Variants in PAX8 observed in about 807,000 individuals in gnomAD.
The protein encoded by PAX8 is paired box 8.
In PAX8, 15 loss-of-function variants were observed where a neutral mutation model predicts 52.4. The ratio of observed to expected loss-of-function variants is 0.29; its 90% CI spans 0.19 to 0.44. The LOEUF (loss-of-function observed/expected upper bound fraction) is 0.44, where lower values mean the gene tolerates loss of function less well. PAX8 is among the 20% of genes least tolerant of loss of function. PAX8 has a pLI of 1.00. For missense variants in PAX8, 554 were observed against 602.5 expected (o/e 0.92, Z 0.84); for synonymous variants, 284 against 249.7 (o/e 1.14, Z -1.29).
intron 10 of PAX8, chr2:113,225,819 G>A (rs1029505924): frequency 7.2e-6 from 5 of 690,254 alleles, no homozygotes; most frequent in Non-Finnish European, 8.9e-6. Context: ...GTTGGAAGGG[G>A]AATGGGGGGA....
intron 9 of PAX8, among the ~76,000 whole-genome samples, chr2:113,231,316 C>A (rs566918644): frequency 8.5e-5 from 13 of 152,342 alleles, no homozygotes; most frequent in Admixed American, 3.9e-4. Context: ...GGGACCAGGA[C>A]GGCCTCGACA....
intron 2 of PAX8, among the ~76,000 whole-genome samples, chr2:113,276,803 G>A (rs891112826): frequency 4.6e-5 from 7 of 151,912 alleles, no homozygotes; most frequent in Admixed American, 3.9e-4. Flanking sequence ...AAGGGTCAGG[G>A]GAAGGTTAGG....
At chr2:113,226,646 A>T (rs1354698896) in intron 10 of PAX8, 3 of 1,096,304 alleles carry the variant, frequency 2.7e-6, no homozygotes, top group Admixed American at 8.8e-5. Flanking sequence ...TGAAGCATAT[A>T]TTTCATCATC....
intron 2 of PAX8, among the ~76,000 whole-genome samples, chr2:113,258,599 C>T (rs1161197414): frequency 6.6e-6 from 1 of 152,228 alleles, no homozygotes; most frequent in Non-Finnish European, 1.5e-5. Context: ...ATCCCATCTT[C>T]CCCTCAAAGG....
chr2:113,227,364 A>G (rs772762706), intron 9 of PAX8, 108 bp from the exon 10 acceptor site: 2 of 923,104 alleles, frequency 2.2e-6, no homozygotes, highest in East Asian at 2.6e-5. Flanking sequence ...CCCTCTCTAC[A>G]GCCATTCTCC....
In PAX8 at chr2:113,227,208, G is replaced by A. The variant is rs750264515; in HGVS notation, c.1136C>T (p.Pro379Leu). 2 of 1,610,982 alleles carry A rather than the reference G, an allele frequency of 1.2e-6. No homozygotes were observed. The highest frequency in any genetic ancestry group is 1.7e-6 in the Non-Finnish European group (2 of 1,179,026). ...PTLPGYPPHI[P>L]TSGQGSYASS... ...GGCATAGCTGCCCTGTCCGCTGGTG[G>A]GGATGTGGGGTGGGTATCCGGGCAG... Residue 379 changes from proline (P) to leucine (L), a missense_variant, in exon 10 of 12, where the codon CCC becomes CTC. This residue lies in a region of PAX8 where 445 missense variants were observed against 409.9 expected (regional missense o/e 1.09). Transcript: ENST00000429538.
At chr2:113,266,726 T>C (rs1265507099) in intron 2 of PAX8, 1 of 152,218 alleles carries the variant, frequency 6.6e-6, no homozygotes, top group Non-Finnish European at 1.5e-5. Context: ...AATGTGTTGC[T>C]AAGTCCGATC....
chr2:113,218,054 G>C lies in PAX8; in HGVS notation c.*479C>G. The C allele has an allele frequency of 4.3e-6, 1 of 234,204 alleles. No individual in the cohort carries two copies. The highest frequency in any genetic ancestry group is 5.6e-5 in the Admixed American group (1 of 17,832). The allele number at this position is 234,204 out of a possible 1,614,324, so 14.5% of individuals were successfully genotyped here. A position where few individuals can be genotyped will look rare whatever the true frequency, so the allele number is the denominator to read the frequency against. ...AGGGAGGTGACTCCCTGGGTGGCTG[G>C]TGAGGAGAGCCTCGGCACCAGGCTG... On this transcript the variant is annotated 3_prime_UTR_variant, in exon 12 of 12. Coordinates refer to ENST00000429538, the MANE Select transcript of PAX8 (RefSeq NM_003466.4).
chr2:113,234,202 G>A (rs1690099354), intron 9 of PAX8, among the ~76,000 whole-genome samples: 1 of 152,226 alleles, frequency 6.6e-6, no homozygotes, highest in Non-Finnish European at 1.5e-5. Context: ...AGCCCTTGAG[G>A]TATCTGAAGA....
At chr2:113,274,419 A>G (rs543669419) in intron 2 of PAX8, 2 of 152,154 alleles carry the variant, frequency 1.3e-5, no homozygotes, top group Admixed American at 6.5e-5. Context: ...CAGGATTTCA[A>G]TTTTCTTATA....
In PAX8 at chr2:113,227,225, T is replaced by C; in HGVS notation, c.1119A>G (p.Gly373=). ...GREMVGPTLP[G]YPPHIPTSGQ... is the part of the protein sequence containing the mutation. ...CGCTGGTGGGGATGTGGGGTGGGTA[T>C]CCGGGCAGCGTGGGCCCCACCATCT... is the stretch of plus-strand genomic sequence containing the variant. The change falls in exon 10 of 12, where the codon GGA becomes GGG. Residue 373 remains glycine (G), a synonymous_variant. Coordinates refer to ENST00000429538, the MANE Select transcript of PAX8 (RefSeq NM_003466.4). The C allele has an allele frequency of 1.9e-6, 3 of 1,611,072 alleles. No homozygotes were observed. Among genetic ancestry groups the C allele is most frequent in the Non-Finnish European group, 2.5e-6 (3 of 1,178,988 alleles).
rs1440500504 is a variant in PAX8, at chr2:113,255,536, T to C, written c.26-8617A>G. 3 of 152,424 alleles carry C rather than the reference T, an allele frequency of 2.0e-5. 1 individual carries two copies. Among genetic ancestry groups the C allele is most frequent in the Admixed American group, 1.3e-4 (2 of 15,286 alleles). 9.4% of individuals were successfully genotyped at this position (152,424 alleles called of 1,614,324 possible). A position where few individuals can be genotyped will look rare whatever the true frequency, so the allele number is the denominator to read the frequency against. On this transcript the variant is annotated intron_variant, in intron 2 of 11. Transcript: ENST00000429538. ...TGGCTCACATATCAGATCTTCAACG[T>C]CAACATTAAATGCGTGAGTGCTTGC... is the stretch of plus-strand genomic sequence containing the variant.
At chr2:113,244,183 G>A (rs771880735) in intron 4 of PAX8, among the ~76,000 whole-genome samples, 1 of 152,204 alleles carries the variant, frequency 6.6e-6, no homozygotes, top group African/African-American at 2.4e-5. Flanking sequence ...GTTTGAGGAA[G>A]GAAACTGTAG....
In PAX8 at chr2:113,275,229, G is replaced by A. The variant is rs189479916; in HGVS notation, c.25+3141C>T. 1.4e-4 allele frequency: 22 copies of A among 152,226 alleles called. No individual in the cohort carries two copies. The East Asian group carries it at 4.1e-3, about 28-fold the overall frequency. 9.4% of individuals were successfully genotyped at this position (152,226 alleles called of 1,614,324 possible). A position where few individuals can be genotyped will look rare whatever the true frequency, so the allele number is the denominator to read the frequency against. On this transcript the variant is annotated intron_variant, in intron 2 of 11. Coordinates refer to ENST00000429538, the MANE Select transcript of PAX8 (RefSeq NM_003466.4). ...TCAGTGGGGCAATTAAAGTGACAAA[G>A]CTTAAAAAGATACTTATCTTAAAAC... is the stretch of plus-strand genomic sequence containing the variant.
At chr2:113,241,524 T>C in intron 7 of PAX8, 27 bp downstream of exon 7, 4 of 1,582,768 alleles carry the variant, frequency 2.5e-6, no homozygotes, top group Non-Finnish European at 3.4e-6. Context: ...GCCCACCCTG[T>C]TCACCTCCCA....
At chr2:113,277,947 AC>A (rs1638959202) in intron 2 of PAX8, among the ~76,000 whole-genome samples, 1 of 151,426 alleles carries the variant, frequency 6.6e-6, no homozygotes, top group South Asian at 2.2e-4. Context: ...CAGGGGAGTC[AC>A]TGGGAAGGAC....
intron 9 of PAX8, 38 bp from the exon 10 acceptor site, chr2:113,227,294 G>A (rs1056948899): frequency 2.0e-6 from 3 of 1,498,398 alleles, no homozygotes; most frequent in African/African-American, 2.8e-5. Context: ...GTTGGACCAT[G>A]GGGGCTCCCA....
At chr2:113,278,781 C>T (rs909128923) in intron 1 of PAX8, 50 bp downstream of exon 1, 34 of 896,822 alleles carry the variant, frequency 3.8e-5, no homozygotes, top group Non-Finnish European at 4.5e-5. Context: ...TTTCTTCCAT[C>T]CCCCGTCCTC....
At chr2:113,223,250 C>T (rs1463000531) in intron 10 of PAX8, among the ~76,000 whole-genome samples, 7 of 152,122 alleles carry the variant, frequency 4.6e-5, no homozygotes, top group African/African-American at 1.4e-4. Flanking sequence ...ATCATCCATG[C>T]CCCAAACCTA....
Sources: gnomAD v4.1 joint callset for allele counts (sites outside exome capture counted in the v4.1 genomes callset) on GRCh38, gnomAD v4.1.1 for gene constraint, gnomAD v4.1.1 regional missense constraint, MANE v1.5 for transcripts, NCBI Gene and HGNC (gene_info 2026-07-23, HGNC 2026-07-21) for gene names.